The following GRID2 variants were observed in gnomAD, a reference collection of about 807,000 sequenced individuals.
GRID2 encodes the protein glutamate receptor ionotropic, delta-2.
GRID2 carries 33 observed loss-of-function variants against 114.8 expected under a neutral mutation model. The ratio of observed to expected loss-of-function variants is 0.29; its 90% CI spans 0.22 to 0.38. The LOEUF is 0.38. Ranked by LOEUF, GRID2 falls within the 10% of genes least tolerant of loss-of-function variation. GRID2 has a pLI of 1.00. For missense variants in GRID2, 1,184 were observed against 1,257.7 expected (o/e 0.94, Z 0.89); for synonymous variants, 505 against 449.9 (o/e 1.12, Z -1.55).
intron 1 of GRID2, among the ~76,000 whole-genome samples, chr4:92,478,744 T>C (rs1443859325): frequency 6.6e-6 from 1 of 152,126 alleles, no homozygotes. Flanking sequence ...TTTCCCTTTA[T>C]GGTTTTCCAT....
At chr4:93,214,719 GTAACCACCCC>G (rs1743982314) in intron 5 of GRID2, among the ~76,000 whole-genome samples, 1 of 151,930 alleles carries the variant, frequency 6.6e-6, no homozygotes, top group African/African-American at 2.4e-5. Context: ...CCTATAAAAG[GTAACCACCCC>G]TTTTCCCTTT....
At chr4:93,662,985 T>A (rs914545682) in intron 14 of GRID2, among the ~76,000 whole-genome samples, 1 of 152,218 alleles carries the variant, frequency 6.6e-6, no homozygotes, top group Non-Finnish European at 1.5e-5. Flanking sequence ...TACAAGCATG[T>A]TTCTCTCTGC....
intron 2 of GRID2, among the ~76,000 whole-genome samples, chr4:92,844,919 G>A (rs1743194937): frequency 6.6e-6 from 1 of 151,960 alleles, no homozygotes; most frequent in South Asian, 2.1e-4. Flanking sequence ...AATGAAACTG[G>A]ATTTATGCAT....
At chr4:93,199,662 A>G (rs1221015751) in intron 4 of GRID2, among the ~76,000 whole-genome samples, 3 of 152,196 alleles carry the variant, frequency 2.0e-5, no homozygotes, top group Non-Finnish European at 4.4e-5. Context: ...GCTGCTTGGA[A>G]AAGAACAGAA....
rs180995329 is a variant in GRID2, at chr4:93,156,917, C to A, written c.735+45964C>A. On this transcript the variant is annotated intron_variant, in intron 4 of 15. Transcript: ENST00000282020. ...TCTTGTTTGTTGAATAAAAGGAAAT[C>A]AAGGATCAGTTCTGAGCTGAGGTGA... Among the ~76,000 whole-genome samples the A allele has an allele frequency of 1.9e-3, 285 of 151,704 alleles. 4 individuals are homozygous for A. The highest frequency in any genetic ancestry group is 3.5e-4 in the Non-Finnish European group (24 of 67,740).
At chr4:93,275,342 CT>C (rs986015416) in intron 8 of GRID2, among the ~76,000 whole-genome samples, 1 of 151,674 alleles carries the variant, frequency 6.6e-6, no homozygotes, top group Non-Finnish European at 1.5e-5. Flanking sequence ...GTTGTTTCCG[CT>C]TTTCCTCCAT....
chr4:93,194,650 A>G (rs1503223), intron 4 of GRID2, among the ~76,000 whole-genome samples: 15,374 of 152,172 alleles, frequency 0.1, 923 homozygotes, highest in East Asian at 0.22. Flanking sequence ...TGTGTCTGGT[A>G]CATTCTTCAG....
At chr4:92,911,894 A>G (rs1372134543) in intron 2 of GRID2, among the ~76,000 whole-genome samples, 1 of 151,742 alleles carries the variant, frequency 6.6e-6, no homozygotes. Flanking sequence ...CACAAATAGT[A>G]TTAGAGATAA....
intron 9 of GRID2, among the ~76,000 whole-genome samples, chr4:93,400,014 AG>A (rs1166975230): frequency 6.6e-6 from 1 of 152,140 alleles, no homozygotes; most frequent in Non-Finnish European, 1.5e-5. Flanking sequence ...TTACATTATA[AG>A]GATAAAAATA....
chr4:92,948,419 A>T (rs1436029084), intron 2 of GRID2, among the ~76,000 whole-genome samples: 1 of 151,896 alleles, frequency 6.6e-6, no homozygotes, highest in African/African-American at 2.4e-5. Context: ...TTCCTATTTT[A>T]AATCTAAAGA....
chr4:93,324,687 G>T (rs1387013623), intron 8 of GRID2, among the ~76,000 whole-genome samples: 2 of 152,092 alleles, frequency 1.3e-5, no homozygotes, highest in Non-Finnish European at 2.9e-5. Flanking sequence ...TGGTTGGTAG[G>T]CTATTAATTA....
At chr4:92,855,821 A>G (rs1423376780) in intron 2 of GRID2, among the ~76,000 whole-genome samples, 1 of 152,016 alleles carries the variant, frequency 6.6e-6, no homozygotes, top group African/African-American at 2.4e-5. Context: ...TTAGAGATCA[A>G]TGGAGTACAA....
rs989814717 is a variant in GRID2 at position 92,560,408 on chromosome 4, G to A, written c.89-29723G>A. On this transcript the variant is annotated intron_variant, in intron 1 of 15. Coordinates refer to ENST00000282020, the MANE Select transcript of GRID2 (RefSeq NM_001510.4). ...TCTCTTTTGAAGCCTGTTATAATAC[G>A]GCTACAATGTTATAAAGCAATCATA... 3.3e-5 allele frequency among the ~76,000 whole-genome samples: 5 copies of A among 152,154 alleles called. No homozygotes were observed. In the East Asian group the frequency reaches 5.8e-4, roughly 18 times the overall value.
intron 11 of GRID2, among the ~76,000 whole-genome samples, chr4:93,461,795 A>C (rs1251811060): frequency 1.3e-5 from 2 of 152,152 alleles, no homozygotes; most frequent in Non-Finnish European, 2.9e-5. Context: ...TTTTGTTGTC[A>C]TTTTATGTCC....
chr4:92,636,798 C>T (rs193282581), intron 2 of GRID2, among the ~76,000 whole-genome samples: 1 of 152,126 alleles, frequency 6.6e-6, no homozygotes, highest in Admixed American at 6.6e-5. Context: ...GTTGAACAAG[C>T]CAAGCCTGAA....
At chr4:93,012,741 G>A (rs917008903) in intron 2 of GRID2, among the ~76,000 whole-genome samples, 1 of 151,890 alleles carries the variant, frequency 6.6e-6, no homozygotes, top group Non-Finnish European at 1.5e-5. Flanking sequence ...GAATGAAATT[G>A]CCTTTAAATA....
At chr4:93,475,100 C>T (rs72668757) in intron 11 of GRID2, among the ~76,000 whole-genome samples, 2,157 of 152,214 alleles carry the variant, frequency 0.014, 19 homozygotes, top group South Asian at 0.056. Flanking sequence ...GTACAATAAC[C>T]TTGTTTCCTG....
rs1184003180 is a variant in GRID2, at chr4:93,638,301, C to CTTTT, written c.2360+11881_2360+11884dup. On this transcript the variant is annotated intron_variant, in intron 14 of 15. Coordinates refer to ENST00000282020, the MANE Select transcript of GRID2 (RefSeq NM_001510.4). ...AAGAAAACATATTTAAAACTTGCAT[C>CTTTT]TTTTTTTTTTTTTTTTTTAATTATA... Among the ~76,000 whole-genome samples the CTTTT allele has an allele frequency of 5.3e-4, 41 of 77,312 alleles. 6 individuals carry two copies. The highest frequency in any genetic ancestry group is 2.0e-3 in the African/African-American group (29 of 14,776). 50.7% of individuals were successfully genotyped at this position (77,312 alleles called of 152,430 possible).
intron 2 of GRID2, among the ~76,000 whole-genome samples, chr4:92,964,242 G>C (rs1752996086): frequency 6.6e-6 from 1 of 151,994 alleles, no homozygotes; most frequent in South Asian, 2.1e-4. Context: ...AAGCTTTAAA[G>C]CTAGGCCTTG....
Sources: gnomAD v4.1 joint callset for allele counts (sites outside exome capture counted in the v4.1 genomes callset) on GRCh38, gnomAD v4.1.1 for gene constraint, MANE v1.5 for transcripts, NCBI Gene and HGNC (gene_info 2026-07-23, HGNC 2026-07-21) for gene names.